MCM2: variants seen among roughly 807,000 people sequenced by gnomAD.
MCM2 encodes the protein minichromosome maintenance complex component 2.
In MCM2, 49 loss-of-function variants were observed where a neutral mutation model predicts 86.4. The observed-to-expected ratio is 0.57, with a 90% CI of 0.45 to 0.72. MCM2 has a LOEUF of 0.72. Ranked by LOEUF, MCM2 falls within the 30% of genes least tolerant of loss-of-function variation. The probability of loss-of-function intolerance (pLI) is 0.00; values close to 1 mark genes in which losing one functional copy is unlikely to be tolerated. For synonymous variants in MCM2, 475 were observed against 484.6 expected (o/e 0.98, Z 0.26); for missense variants, 1,038 against 1,259.9 (o/e 0.82, Z 2.67).
In MCM2 at chr3:127,620,789, T is replaced by C; in HGVS notation, c.2357T>C (p.Val786Ala). The C allele has an allele frequency of 6.2e-7, 1 of 1,614,150 alleles. No homozygotes were observed. The highest frequency in any genetic ancestry group is 8.5e-7 in the Non-Finnish European group (1 of 1,179,972). Residue 786 changes from valine to alanine, a missense_variant, in exon 14 of 16, where the codon GTG becomes GCG. Physicochemically the swap from Val to Ala is moderately conservative, Grantham distance 64 (BLOSUM62 0). This residue lies in a region of MCM2 where 336 missense variants were observed against 425.7 expected (regional missense o/e 0.79). Coordinates refer to ENST00000265056, the MANE Select transcript of MCM2 (RefSeq NM_004526.4). Reference sequence around the variant, plus strand: ...GCGCGCATCCATCTGCGGGACTATGTGATCGAAGACGACGTCAACATGGCC... The same window carrying C: ...GCGCGCATCCATCTGCGGGACTATGCGATCGAAGACGACGTCAACATGGCC... ...AHARIHLRDY[V>A]IEDDVNMAIR...
chr3:127,621,943 C>G lies in MCM2; in HGVS notation c.*170C>G. ...GGCATGACTGTTTGTTTCTCCAAGC[C>G]TGCTTTGTGCTTCTCACCTTTGGGT... On this transcript the variant is annotated 3_prime_UTR_variant, in exon 16 of 16. Coordinates refer to ENST00000265056, the MANE Select transcript of MCM2 (RefSeq NM_004526.4). 1 of 570,292 alleles carries G rather than the reference C, an allele frequency of 1.8e-6. No homozygotes were observed. The highest frequency in any genetic ancestry group is 2.1e-5 in the South Asian group (1 of 47,122). 35.3% of individuals were successfully genotyped at this position (570,292 alleles called of 1,614,324 possible).
At position 127,606,009 on chromosome 3, in the gene MCM2, C is replaced by A; in HGVS notation, c.674-109C>A. The A allele has an allele frequency of 1.3e-6, 1 of 793,784 alleles. No individual in the cohort carries two copies. The highest frequency in any genetic ancestry group is 2.1e-6 in the Non-Finnish European group (1 of 474,778). 49.2% of individuals were successfully genotyped at this position (793,784 alleles called of 1,614,324 possible). A position where few individuals can be genotyped will look rare whatever the true frequency, so the allele number is the denominator to read the frequency against. ...GAAGTGAAAGCTGGGCTTTCTAGGT[C>A]AAAATCAATGGTCGGGGTGGGTAGG... On this transcript the variant is annotated intron_variant, in intron 4 of 15. Transcript: ENST00000265056. This position sits in a 1 kb window ranked among gnomAD's most constrained non-coding sequence, Gnocchi z 4.2.
rs191605775 is a variant in MCM2 at position 127,618,673 on chromosome 3, G to T, written c.2014-354G>T. On this transcript the variant is annotated intron_variant, in intron 12 of 15. Transcript: ENST00000265056. The surrounding 1 kb of genome is among the most constrained non-coding windows in gnomAD (Gnocchi z 4.0). Reference sequence around the variant, plus strand: ...GTCACATGACTTGCATCTCATTGTCGTCATCTCAGCTCCCTGTCTTTCAGG... The same window carrying T: ...GTCACATGACTTGCATCTCATTGTCTTCATCTCAGCTCCCTGTCTTTCAGG... Among the ~76,000 whole-genome samples the T allele has an allele frequency of 3.3e-5, 5 of 152,136 alleles. No individual in the cohort carries two copies. In the South Asian group the frequency reaches 1.0e-3, roughly 32 times the overall value.
intron 1 of MCM2, chr3:127,598,838 CA>C (rs1303965186): frequency 5.1e-6 from 2 of 390,382 alleles, no homozygotes; most frequent in Non-Finnish European, 9.2e-6. Flanking sequence ...CCAAACACTA[CA>C]CTTACTTTTG....
Position 127,621,228 on chromosome 3 carries a change from G to T in MCM2, c.2604G>T (p.Lys868Asn). The change falls in exon 15 of 16, where the codon AAG becomes AAT. Residue 868 changes from lysine (K) to asparagine (N), a missense_variant and splice_region_variant. By Grantham distance (94) the Lys-to-Asn change is moderately conservative. Coordinates refer to ENST00000265056, the MANE Select transcript of MCM2 (RefSeq NM_004526.4). ...IEVPEKDLVD[K>N]ARQINIHNLS... ...TCCCTGAGAAGGACTTGGTGGATAA[G>T]GTATGGGCCCGGAAGGGAGGTGAGG... 6.2e-7 allele frequency: 1 copy of T among 1,613,994 alleles called. No homozygotes were observed. Among genetic ancestry groups the T allele is most frequent in the Non-Finnish European group, 8.5e-7 (1 of 1,180,012 alleles).
In MCM2 at chr3:127,620,810, T is replaced by C; in HGVS notation, c.2378T>C (p.Met793Thr). ...RDYVIEDDVN[M>T]AIRVMLESFI... ...TATGTGATCGAAGACGACGTCAACA[T>C]GGCCATCCGCGTGATGCTGGAGAGC... The change falls in exon 14 of 16, where the codon ATG (methionine) becomes ACG (threonine). Residue 793 changes from methionine to threonine, a missense_variant. Coordinates refer to ENST00000265056, the MANE Select transcript of MCM2 (RefSeq NM_004526.4). The C allele has an allele frequency of 6.2e-7, 1 of 1,614,076 alleles. No individual in the cohort carries two copies. Among genetic ancestry groups the C allele is most frequent in the Non-Finnish European group, 8.5e-7 (1 of 1,179,952 alleles).
intron 8 of MCM2, among the ~76,000 whole-genome samples, chr3:127,610,520 T>G (rs1298831758): frequency 6.6e-6 from 1 of 152,210 alleles, no homozygotes; most frequent in East Asian, 1.9e-4. Flanking sequence ...CCCCTTCCTT[T>G]TCCTCCTCAC....
Position 127,619,437 on chromosome 3 carries a change from G to A in MCM2, c.2265+159G>A, listed in dbSNP as rs146052987. On this transcript the variant is annotated intron_variant, in intron 13 of 15. Coordinates refer to ENST00000265056, the MANE Select transcript of MCM2 (RefSeq NM_004526.4). The stretch of plus-strand genomic sequence containing the variant: ...GTAGGTGCCAGGCACAGTGGCTCAC[G>A]CCTGTAATCCCAGTACTTTGGGAGG... Among the ~76,000 whole-genome samples the A allele has an allele frequency of 2.5e-3, 381 of 152,272 alleles. 2 individuals are homozygous for A. The highest frequency in any genetic ancestry group is 0.024 in the East Asian group (125 of 5,174).
chr3:127,617,916 A>T lies in MCM2; in HGVS notation c.1901-53A>T. ...CCATCAGAGCAGCCTGGGGTCCCTG[A>T]GATGGGAGGATAGGGGAATCCACCC... On this transcript the variant is annotated intron_variant, in intron 11 of 15. Transcript: ENST00000265056. The surrounding 1 kb of genome is among the most constrained non-coding windows in gnomAD (Gnocchi z 4.1). 1 of 1,414,926 alleles carries T rather than the reference A, an allele frequency of 7.1e-7. No homozygotes were observed. The highest frequency in any genetic ancestry group is 9.9e-7 in the Non-Finnish European group (1 of 1,012,030). 87.6% of individuals were successfully genotyped at this position (1,414,926 alleles called of 1,614,324 possible).
At chr3:127,609,203 G>A (rs2074374643) in intron 8 of MCM2, among the ~76,000 whole-genome samples, 180 bp downstream of exon 8, 1 of 152,198 alleles carries the variant, frequency 6.6e-6, no homozygotes, top group Non-Finnish European at 1.5e-5. Flanking sequence ...TCGCATTGGG[G>A]ATGGGTGAAC....
intron 8 of MCM2, chr3:127,610,942 G>A: frequency 2.2e-6 from 1 of 456,616 alleles, no homozygotes; most frequent in Non-Finnish European, 4.4e-6. Flanking sequence ...AACACACATT[G>A]GTTCCTGGAA....
chr3:127,607,001 CACG>C (rs1016779348), intron 6 of MCM2, among the ~76,000 whole-genome samples, 184 bp downstream of exon 6: 21 of 152,374 alleles, frequency 1.4e-4, no homozygotes, highest in African/African-American at 4.6e-4. Context: ...GCTTGGCCCA[CACG>C]ACGTTTTTAG....
intron 8 of MCM2, 78 bp from the exon 9 acceptor site, chr3:127,615,784 C>T: frequency 9.7e-7 from 1 of 1,028,324 alleles, no homozygotes. Context: ...TGTCGTGGTT[C>T]CCTGATGCCA....
chr3:127,613,257 G>A (rs1471042585), intron 8 of MCM2, among the ~76,000 whole-genome samples: 2 of 152,268 alleles, frequency 1.3e-5, no homozygotes, highest in Middle Eastern at 3.4e-3. Context: ...AAATTATACG[G>A]GGAAATGAGC....
At chr3:127,607,220 G>A (rs2074358376) in intron 6 of MCM2, among the ~76,000 whole-genome samples, 1 of 152,160 alleles carries the variant, frequency 6.6e-6, no homozygotes, top group Admixed American at 6.5e-5. Context: ...TTGTTTCTGG[G>A]ACCTGTCTGG....
Position 127,604,899 on chromosome 3 carries a change from G to A in MCM2, c.416G>A (p.Ser139Asn). 6.2e-7 allele frequency: 1 copy of A among 1,609,260 alleles called. No homozygotes were observed. Among genetic ancestry groups the A allele is most frequent in the East Asian group, 2.2e-5 (1 of 44,712 alleles). The change falls in exon 4 of 16, where the codon AGC becomes AAC. Residue 139 changes from serine (S) to asparagine (N), a missense_variant. Ser to Asn is a conservative substitution (Grantham distance 46, BLOSUM62 1). Coordinates refer to ENST00000265056, the MANE Select transcript of MCM2 (RefSeq NM_004526.4). ...CAGGTGTCTCTTGCCTCCCCAGACA[G>A]CGATGAGGAGGACGAGGAGCGCCCT... ...GRMRRGLLYD[S>N]DEEDEERPAR...
chr3:127,614,949 C>T (rs568468409), intron 8 of MCM2, among the ~76,000 whole-genome samples: 22 of 152,300 alleles, frequency 1.4e-4, no homozygotes, highest in African/African-American at 4.1e-4. Flanking sequence ...CAAGAAGCCC[C>T]GTGGGAAGTG....
rs200752349 is a variant in MCM2 at position 127,606,808 on chromosome 3, C to G, written c.1092C>G (p.Asn364Lys). The change falls in exon 6 of 16, where the codon AAC becomes AAG. Residue 364 changes from asparagine (N) to lysine (K), a missense_variant. Physicochemically the swap from Asn to Lys is moderately conservative, Grantham distance 94. Around this residue, in one of 4 missense-constraint regions of MCM2, gnomAD observed 399 missense variants for 507.2 expected, o/e 0.79. Coordinates refer to ENST00000265056, the MANE Select transcript of MCM2 (RefSeq NM_004526.4). The surrounding 1 kb of genome is among the most constrained non-coding windows in gnomAD (Gnocchi z 4.2). The stretch of plus-strand genomic sequence containing the variant: ...AGTCGGCCGGCCCCTTTGAGGTCAA[C>G]ATGGAGGAGGTGAGAGAGGACACAA... ...ECQSAGPFEVNMEETIYQNYQ... is the reference protein window; with the variant it reads ...ECQSAGPFEVKMEETIYQNYQ... The G allele has an allele frequency of 4.3e-6, 7 of 1,614,188 alleles. No individual in the cohort carries two copies. In the East Asian group the frequency reaches 8.9e-5, roughly 21 times the overall value.
chr3:127,598,519 G>T, intron 1 of MCM2, 47 bp downstream of exon 1: 4 of 1,604,134 alleles, frequency 2.5e-6, no homozygotes, highest in Non-Finnish European at 3.4e-6. Context: ...ACATGGGTGC[G>T]GAGGCTGCGC....
Sources: allele counts gnomAD v4.1 joint callset (sites outside exome capture counted in the v4.1 genomes callset), GRCh38; gene constraint gnomAD v4.1.1; regional missense constraint gnomAD v4.1.1; non-coding constraint Gnocchi (gnomAD v3.1); transcripts MANE v1.5; gene names NCBI Gene and HGNC (gene_info 2026-07-23, HGNC 2026-07-21).